MED13L: variants seen among roughly 807,000 people sequenced by gnomAD.
The protein encoded by MED13L is mediator of RNA polymerase II transcription subunit 13-like.
In MED13L, 7 loss-of-function variants were observed where a neutral mutation model predicts 220.9. The ratio of observed to expected loss-of-function variants is 0.03; its 90% CI spans 0.02 to 0.06. The LOEUF is 0.06. Ranked by LOEUF, MED13L falls within the 10% of genes least tolerant of loss-of-function variation. The probability of loss-of-function intolerance (pLI) is 1.00; values close to 1 mark genes in which losing one functional copy is unlikely to be tolerated. For missense variants in MED13L, 1,965 were observed against 2,760.5 expected, an observed-to-expected ratio of 0.71 and a Z score of 6.46; for synonymous variants, 1,011 against 1,015.2, an observed-to-expected ratio of 1.00 and a Z score of 0.08.
intron 2 of MED13L, among the ~76,000 whole-genome samples, chr12:116,195,354 G>A (rs1881554737): frequency 2.0e-5 from 3 of 152,234 alleles, no homozygotes; most frequent in Non-Finnish European, 4.4e-5. Flanking sequence ...CCCAGTCAAA[G>A]CTGTACCATG....
intron 1 of MED13L, among the ~76,000 whole-genome samples, chr12:116,239,756 T>C (rs77638618): frequency 4.6e-5 from 7 of 152,332 alleles, no homozygotes; most frequent in African/African-American, 1.2e-4. Flanking sequence ...GTTCAATTAA[T>C]AGTCTCCCCA....
At chr12:115,980,497 G>C (rs879500680) in intron 23 of MED13L, 5 of 510,592 alleles carry the variant, frequency 9.8e-6, no homozygotes, top group East Asian at 3.6e-5. Flanking sequence ...ATTTTTAAAA[G>C]AAAATTTGTA....
At chr12:115,972,701 CAGAAATGA>C (rs1200322691) in intron 25 of MED13L, among the ~76,000 whole-genome samples, 2 of 152,280 alleles carry the variant, frequency 1.3e-5, no homozygotes, top group East Asian at 3.9e-4. Flanking sequence ...CAAACAGCAG[CAGAAATGA>C]AGAGAAATAG....
chr12:116,176,557 C>T (rs943419346), intron 2 of MED13L, among the ~76,000 whole-genome samples: 11 of 152,016 alleles, frequency 7.2e-5, no homozygotes, highest in Non-Finnish European at 1.2e-4. Context: ...ACTGTAGTCT[C>T]AGTAGGTTAG....
intron 2 of MED13L, among the ~76,000 whole-genome samples, chr12:116,185,223 T>C (rs1274010997): frequency 4.6e-5 from 7 of 152,164 alleles, no homozygotes; most frequent in Admixed American, 4.6e-4. Flanking sequence ...AAGTGGTCAG[T>C]AGAAAGCAAT....
chr12:116,236,428 A>T (rs1870087922), intron 2 of MED13L, among the ~76,000 whole-genome samples: 1 of 152,164 alleles, frequency 6.6e-6, no homozygotes, highest in South Asian at 2.1e-4. Context: ...AAAAGTTGGC[A>T]GGAAATCCTT....
intron 2 of MED13L, among the ~76,000 whole-genome samples, chr12:116,139,118 A>T (rs1276510635): frequency 6.6e-6 from 1 of 152,202 alleles, no homozygotes; most frequent in African/African-American, 2.4e-5. Context: ...AGAAAAACAT[A>T]AATGCACTTA....
chr12:116,189,868 T>C (rs1221232626), intron 2 of MED13L, among the ~76,000 whole-genome samples: 1 of 152,202 alleles, frequency 6.6e-6, no homozygotes, highest in Admixed American at 6.5e-5. Context: ...TCAATTGATT[T>C]TGTGTGTTTA....
chr12:115,970,902 A>T, intron 26 of MED13L, 132 bp from the exon 27 acceptor site: 1 of 857,680 alleles, frequency 1.2e-6, no homozygotes, highest in South Asian at 1.5e-5. Context: ...ATTGAGTCCA[A>T]TTGTTTAAAT....
At chr12:116,107,229 C>A (rs1189516962) in intron 3 of MED13L, among the ~76,000 whole-genome samples, 1 of 152,208 alleles carries the variant, frequency 6.6e-6, no homozygotes, top group Non-Finnish European at 1.5e-5. Context: ...ACTATGTTAT[C>A]TTCTGTCTGA....
intron 4 of MED13L, among the ~76,000 whole-genome samples, chr12:116,048,725 T>C (rs541057998): frequency 3.3e-5 from 5 of 152,260 alleles, no homozygotes; most frequent in Admixed American, 1.3e-4. Context: ...TAAGAAGTTA[T>C]CAATATTTTA....
At chr12:115,975,051 A>G (rs2137241222) in intron 25 of MED13L, 120 bp downstream of exon 25, 1 of 1,062,334 alleles carries the variant, frequency 9.4e-7, no homozygotes, top group African/African-American at 1.6e-5. Context: ...TAAAAGAATC[A>G]TAAAATAGAA....
chr12:116,133,010 C>CA (rs747572884), intron 2 of MED13L, among the ~76,000 whole-genome samples: 28 of 152,272 alleles, frequency 1.8e-4, no homozygotes, highest in Middle Eastern at 3.4e-3. Flanking sequence ...TGCACAGTTG[C>CA]AATTCCCTTG....
intron 20 of MED13L, 112 bp from the exon 21 acceptor site, chr12:115,983,652 C>A (rs1877491304): frequency 5.2e-6 from 6 of 1,158,196 alleles, no homozygotes; most frequent in Non-Finnish European, 6.3e-6. Context: ...CTGCAATACT[C>A]TGATTACAAT....
chr12:116,227,264 G>A (rs927040676), intron 2 of MED13L, among the ~76,000 whole-genome samples: 5 of 152,000 alleles, frequency 3.3e-5, no homozygotes, highest in East Asian at 3.9e-4. Flanking sequence ...AGATCTCTAC[G>A]AAGAAAAAAT....
At chr12:116,047,843 G>C (rs1042201840) in intron 4 of MED13L, among the ~76,000 whole-genome samples, 2 of 152,300 alleles carry the variant, frequency 1.3e-5, no homozygotes, top group East Asian at 3.9e-4. Flanking sequence ...GCTGAGGTAG[G>C]TTTCCAGTAC....
intron 23 of MED13L, among the ~76,000 whole-genome samples, chr12:115,976,402 A>G (rs1876941562): frequency 6.6e-6 from 1 of 152,228 alleles, no homozygotes. Flanking sequence ...CCGAATGTGA[A>G]AGAATACAAA....
Position 115,963,621 on chromosome 12 carries a change from T to G in MED13L, c.6388-102A>C, listed in dbSNP as rs148211138. On this transcript the variant is annotated intron_variant, in intron 29 of 30. Transcript: ENST00000281928. ...AGAAGCAGATGCTCCCAAAAGTCCG[T>G]AGAAGTCAGGGTTTCTGTGAGTCTA... 499 of 855,266 alleles carry G rather than the reference T, an allele frequency of 5.8e-4. 4 individuals carry two copies. The African/African-American group carries it at 7.4e-3, about 13-fold the overall frequency. 53.0% of individuals were successfully genotyped at this position (855,266 alleles called of 1,614,324 possible). A position where few individuals can be genotyped will look rare whatever the true frequency, so the allele number is the denominator to read the frequency against.
At chr12:116,271,386 C>G (rs1472161111) in intron 1 of MED13L, among the ~76,000 whole-genome samples, 1 of 151,506 alleles carries the variant, frequency 6.6e-6, no homozygotes, top group African/African-American at 2.4e-5. Context: ...GTCAGGAGAT[C>G]GAGACCATCC....
Sources: gnomAD v4.1 joint callset for allele counts (sites outside exome capture counted in the v4.1 genomes callset) on GRCh38, gnomAD v4.1.1 for gene constraint, MANE v1.5 for transcripts, NCBI Gene and HGNC (gene_info 2026-07-23, HGNC 2026-07-21) for gene names.